The following ZNF473 variants were observed in gnomAD, a reference collection of about 807,000 sequenced individuals.
ZNF473 encodes the protein zinc finger protein 100 homolog.
A neutral mutation model predicts 11.1 loss-of-function variants in ZNF473; 4 were observed. The observed-to-expected ratio is 0.36, with a 90% CI of 0.18 to 0.82. The LOEUF is 0.82. ZNF473 is among the 40% of genes least tolerant of loss of function. The pLI, the probability that ZNF473 is intolerant of heterozygous loss-of-function variation, is 0.49. For missense variants in ZNF473, 854 were observed against 1,084.0 expected, an observed-to-expected ratio of 0.79 and a Z score of 2.98; for synonymous variants, 404 against 390.4, an observed-to-expected ratio of 1.03 and a Z score of -0.41.
chr19:50,033,863 T>A lies in ZNF473; in HGVS notation c.9+2772T>A, dbSNP rs184859410. The stretch of plus-strand genomic sequence containing the variant: ...ATTCCTTGTCTCCCTCTTATTAGGA[T>A]CCTTGTGATGACATTTAGGACCAAC... On this transcript the variant is annotated intron_variant, in intron 2 of 4. Coordinates refer to ENST00000270617, the MANE Select transcript of ZNF473 (RefSeq NM_015428.4). Among the ~76,000 whole-genome samples the A allele has an allele frequency of 7.9e-5, 12 of 152,270 alleles. No homozygotes were observed. The East Asian group carries it at 2.3e-3, about 29-fold the overall frequency.
rs1979160417 is a variant in ZNF473 at position 50,046,843 on chromosome 19, T to C, written c.2400T>C (p.Asn800=). Residue 800 remains asparagine (N), a synonymous_variant, in exon 5 of 5, where the codon AAT becomes AAC. Transcript: ENST00000270617. This position sits in a 1 kb window ranked among gnomAD's most constrained non-coding sequence, Gnocchi z 5.9. ...ECGKAFAQKA[N]LTQHQRIHTG... The stretch of plus-strand genomic sequence containing the variant: ...GGAAAGCCTTTGCCCAGAAAGCAAA[T>C]CTAACACAGCACCAGAGAATTCACA... 2 of 1,614,098 alleles carry C rather than the reference T, an allele frequency of 1.2e-6. No individual in the cohort carries two copies. The highest frequency in any genetic ancestry group is 1.3e-5 in the African/African-American group (1 of 74,976).
chr19:50,040,071 C>A lies in ZNF473; in HGVS notation c.136+784C>A, dbSNP rs540563086. Among the ~76,000 whole-genome samples the A allele has an allele frequency of 1.1e-4, 16 of 152,256 alleles. No homozygotes were observed. In the South Asian group the frequency reaches 2.9e-3, roughly 28 times the overall value. On this transcript the variant is annotated intron_variant, in intron 3 of 4. Coordinates refer to ENST00000270617, the MANE Select transcript of ZNF473 (RefSeq NM_015428.4). ...GTGGCAGTCACCTTCCCAGCTGTGT[C>A]AGTGTCCCCAGGAGCACCCACAGAT...
chr19:50,029,235 C>A (rs564543767), intron 1 of ZNF473, among the ~76,000 whole-genome samples: 1 of 152,320 alleles, frequency 6.6e-6, no homozygotes, highest in East Asian at 1.9e-4. Flanking sequence ...CTCCACCTCC[C>A]GGGTTCACAC....
Position 50,047,401 on chromosome 19 carries a change from T to C in ZNF473, c.*342T>C, listed in dbSNP as rs1979202609. On this transcript the variant is annotated 3_prime_UTR_variant, in exon 5 of 5. Transcript: ENST00000270617. ...CTACCTCAGAGGGCTTTTCTGAGGA[T>C]TAAATAAATAAATGTGAAGCACTTA... is the stretch of plus-strand genomic sequence containing the variant. The C allele has an allele frequency of 4.0e-6, 1 of 247,958 alleles. No homozygotes were observed. Among genetic ancestry groups the C allele is most frequent in the African/African-American group, 2.2e-5 (1 of 45,424 alleles). The allele number at this position is 247,958 out of a possible 1,614,324, so 15.4% of individuals were successfully genotyped here. A position where few individuals can be genotyped will look rare whatever the true frequency, so the allele number is the denominator to read the frequency against.
chr19:50,028,515 A>ATTT (rs60450992), intron 1 of ZNF473, among the ~76,000 whole-genome samples: 1 of 146,442 alleles, frequency 6.8e-6, no homozygotes. Context: ...CTCATTTTTA[A>ATTT]TTTTTTTTTT....
intron 1 of ZNF473, among the ~76,000 whole-genome samples, chr19:50,028,323 A>AT (rs143325469): frequency 2.0e-5 from 3 of 148,304 alleles, no homozygotes; most frequent in South Asian, 2.1e-4. Flanking sequence ...AACAAATTTA[A>AT]TTTTTTTTTG....
intron 2 of ZNF473, among the ~76,000 whole-genome samples, chr19:50,035,304 T>A (rs897236950): frequency 3.3e-4 from 50 of 151,608 alleles, no homozygotes; most frequent in African/African-American, 1.1e-3. Context: ...AAAAAAAAAA[T>A]TTATCTACTA....
chr19:50,042,062 C>G, intron 4 of ZNF473: 1 of 317,674 alleles, frequency 3.1e-6, no homozygotes, highest in Non-Finnish European at 5.8e-6. Context: ...CCTGGTGCCT[C>G]TCCACAGCTC....
At chr19:50,041,564 A>G (rs1234569860) in intron 3 of ZNF473, 166 bp from the exon 4 acceptor site, 1 of 491,088 alleles carries the variant, frequency 2.0e-6, no homozygotes, top group African/African-American at 2.0e-5. Flanking sequence ...TGGGAACCCT[A>G]CAGGACAGGC....
At chr19:50,038,384 G>T (rs1401611579) in intron 2 of ZNF473, among the ~76,000 whole-genome samples, 1 of 151,974 alleles carries the variant, frequency 6.6e-6, no homozygotes, top group Admixed American at 6.6e-5. Flanking sequence ...ACCTAAAGCG[G>T]ACCTGGTACC....
chr19:50,027,888 C>T (rs1464649023), intron 1 of ZNF473, among the ~76,000 whole-genome samples: 2 of 152,152 alleles, frequency 1.3e-5, no homozygotes, highest in Non-Finnish European at 1.5e-5. Flanking sequence ...GGGGTTTCAC[C>T]ATGTTGATCA....
rs1978961231 is a variant in ZNF473 at position 50,044,667 on chromosome 19, C to T, written c.227-3C>T. 1 of 1,599,844 alleles carries T rather than the reference C, an allele frequency of 6.3e-7. No homozygotes were observed. The highest frequency in any genetic ancestry group is 1.3e-5 in the African/African-American group (1 of 74,194). ...CAGGAGACATTTGCACTTGCTCTTTCAGATGTGACTGAGACCAAGAACTCT... is the reference window on the plus strand; with the variant it reads ...CAGGAGACATTTGCACTTGCTCTTTTAGATGTGACTGAGACCAAGAACTCT... On this transcript the variant is annotated splice_polypyrimidine_tract_variant and splice_region_variant and intron_variant, in intron 4 of 4. Coordinates refer to ENST00000270617, the MANE Select transcript of ZNF473 (RefSeq NM_015428.4).
intron 2 of ZNF473, among the ~76,000 whole-genome samples, chr19:50,032,299 C>T (rs1180544051): frequency 2.0e-5 from 3 of 151,432 alleles, no homozygotes; most frequent in Admixed American, 6.6e-5. Flanking sequence ...TAGACAGCAA[C>T]AGTTTCTGTT....
chr19:50,046,605 A>C lies in ZNF473; in HGVS notation c.2162A>C (p.Gln721Pro). ...CAGAGCTCATGCCTTTCTAAGCATC[A>C]GAGAATTCACTCAGGTGAGAAGCCC... ...FRQSSCLSKH[Q>P]RIHSGEKPYV... Residue 721 changes from glutamine (Q) to proline (P), a missense_variant, in exon 5 of 5, where the codon CAG becomes CCG. Physicochemically the swap from Gln to Pro is moderately conservative, Grantham distance 76. Transcript: ENST00000270617. The surrounding 1 kb of genome is among the most constrained non-coding windows in gnomAD (Gnocchi z 5.9). 3 of 1,614,218 alleles carry C rather than the reference A, an allele frequency of 1.9e-6. No individual in the cohort carries two copies. In the East Asian group the frequency reaches 6.7e-5, roughly 36 times the overall value.
chr19:50,048,230 A>G lies in ZNF473; in HGVS notation c.*1171A>G, dbSNP rs1008363234. ...GGAGAGTCCAGTGAGATGGAACCAC[A>G]CAACCAGTTCCCTACCAGTGTCTTG... On this transcript the variant is annotated 3_prime_UTR_variant, in exon 5 of 5. Transcript: ENST00000270617. 2.6e-5 allele frequency: 4 copies of G among 152,258 alleles called. No homozygotes were observed. Among genetic ancestry groups the G allele is most frequent in the South Asian group, 2.1e-4 (1 of 4,836 alleles). 9.4% of individuals were successfully genotyped at this position (152,258 alleles called of 1,614,324 possible). A position where few individuals can be genotyped will look rare whatever the true frequency, so the allele number is the denominator to read the frequency against.
intron 1 of ZNF473, among the ~76,000 whole-genome samples, chr19:50,029,845 A>G (rs940430734): frequency 1.3e-5 from 2 of 151,098 alleles, no homozygotes; most frequent in African/African-American, 4.9e-5. Context: ...TTGAGTAGTC[A>G]TGATACTTTT....
rs539325728 is a variant in ZNF473 at position 50,037,505 on chromosome 19, G to A, written c.10-1656G>A. Among the ~76,000 whole-genome samples the A allele has an allele frequency of 5.3e-5, 8 of 152,214 alleles. No homozygotes were observed. In the East Asian group the frequency reaches 1.2e-3, roughly 22 times the overall value. On this transcript the variant is annotated intron_variant, in intron 2 of 4. Coordinates refer to ENST00000270617, the MANE Select transcript of ZNF473 (RefSeq NM_015428.4). ...ACGTTTTAATGTTGGTACTTCTCAA[G>A]TATTTGAATTTTTATCCTAAACATC...
At position 50,028,080 on chromosome 19, in the gene ZNF473, C is replaced by T. The variant is rs917542235; in HGVS notation, c.-192+1958C>T. On this transcript the variant is annotated intron_variant, in intron 1 of 4. Transcript: ENST00000270617. ...TTGGAAGGCCGAGGTGGGTGGATCACGAGGTCAGGAGATCGAGACCATCCT... is the reference window on the plus strand; with the variant it reads ...TTGGAAGGCCGAGGTGGGTGGATCATGAGGTCAGGAGATCGAGACCATCCT... Among the ~76,000 whole-genome samples the T allele has an allele frequency of 6.6e-5, 10 of 152,000 alleles. No individual in the cohort carries two copies. In the East Asian group the frequency reaches 1.2e-3, roughly 18 times the overall value.
At chr19:50,028,011 T>G (rs982453355) in intron 1 of ZNF473, among the ~76,000 whole-genome samples, 1 of 151,892 alleles carries the variant, frequency 6.6e-6, no homozygotes, top group African/African-American at 2.4e-5. Context: ...TAAATTTAAT[T>G]TTTTTGGCCG....
Sources: gnomAD v4.1 joint callset for allele counts (sites outside exome capture counted in the v4.1 genomes callset) on GRCh38, gnomAD v4.1.1 for gene constraint, Gnocchi (gnomAD v3.1) non-coding constraint, MANE v1.5 for transcripts, NCBI Gene and HGNC (gene_info 2026-07-23, HGNC 2026-07-21) for gene names.